AGAP3: variants seen among roughly 807,000 people sequenced by gnomAD.
AGAP3 encodes arf-GAP with GTPase, ANK repeat and PH domain-containing protein 3.
Under a neutral mutation model 96.9 loss-of-function variants are expected in AGAP3, and 24 were observed. That is an observed-to-expected ratio of 0.25 (90% CI 0.18 to 0.35). The LOEUF (loss-of-function observed/expected upper bound fraction) is 0.35, where lower values mean the gene tolerates loss of function less well. Ranked by LOEUF, AGAP3 falls within the 10% of genes least tolerant of loss-of-function variation. The pLI is 1.00. For missense variants in AGAP3, 876 were observed against 1,254.2 expected (o/e 0.70, Z 4.55); for synonymous variants, 563 against 536.1 (o/e 1.05, Z -0.69).
intron 8 of AGAP3, chr7:151,123,151 C>A: frequency 9.2e-7 from 1 of 1,087,190 alleles, no homozygotes; most frequent in South Asian, 3.0e-5. Flanking sequence ...CTCCTCTGCT[C>A]CTTCCTGCAT....
At position 151,087,032 on chromosome 7, in the gene AGAP3, G is replaced by T. The variant is rs1357315445; in HGVS notation, c.291G>T (p.Ala97=). 3 of 1,612,274 alleles carry T rather than the reference G, an allele frequency of 1.9e-6. No individual in the cohort carries two copies. The highest frequency in any genetic ancestry group is 1.3e-5 in the African/African-American group (1 of 75,006). ...YDLIERIEDL[A]LQNQIREHVI... is the part of the protein sequence containing the mutation. ...TGATCGAGCGCATCGAGGATTTGGC[G>T]CTGCAGAACCAGATCCGGGAGCACG... The change falls in exon 1 of 18, where the codon GCG becomes GCT. Residue 97 remains alanine (A), a synonymous_variant. Transcript: ENST00000397238.
chr7:151,138,217 C>CT lies in AGAP3; in HGVS notation c.1570_1571insT (p.Arg524LeufsTer3). On this transcript the variant is annotated frameshift_variant, in exon 12 of 18. Coordinates refer to ENST00000397238, the MANE Select transcript of AGAP3 (RefSeq NM_031946.7). LOFTEE classifies it high-confidence loss of function. The stretch of plus-strand genomic sequence containing the variant: ...CAGCAGCTCGGCCTGGGCTGGCCCG[C>CT]GCCCTGAGGGGCTGCACCAGCGCTC... The CT allele has an allele frequency of 1.2e-6, 2 of 1,611,958 alleles. No individual in the cohort carries two copies. Among genetic ancestry groups the CT allele is most frequent in the Non-Finnish European group, 1.7e-6 (2 of 1,179,518 alleles).
chr7:151,092,215 G>T (rs1259346486), intron 1 of AGAP3, among the ~76,000 whole-genome samples: 1 of 152,162 alleles, frequency 6.6e-6, no homozygotes, highest in African/African-American at 2.4e-5. Flanking sequence ...CCTACCAGCT[G>T]TCAGTGCGTC....
chr7:151,098,642 C>T (rs1179366647), intron 1 of AGAP3, among the ~76,000 whole-genome samples: 4 of 152,026 alleles, frequency 2.6e-5, no homozygotes, highest in African/African-American at 7.2e-5. Flanking sequence ...CAGAGCAAGA[C>T]CAGTCTGTTT....
At chr7:151,111,126 C>T (rs1250488600) in intron 1 of AGAP3, among the ~76,000 whole-genome samples, 5 of 152,198 alleles carry the variant, frequency 3.3e-5, no homozygotes, top group African/African-American at 1.2e-4. Context: ...CTTGGTGTGG[C>T]CCCCACTGCC....
intron 1 of AGAP3, among the ~76,000 whole-genome samples, chr7:151,109,176 A>C (rs1033335881): frequency 8.8e-5 from 13 of 148,214 alleles, no homozygotes; most frequent in Non-Finnish European, 1.9e-4. Context: ...AAAAAAAAAA[A>C]AAAACAAAAA....
Position 151,115,097 on chromosome 7 carries a change from C to G in AGAP3, c.332-1696C>G, listed in dbSNP as rs923452561. ...GCCCCGCGTCCAGCCCCGCGCCGAC[C>G]CGGCGCAGCCGCACCCGCGGGGAGC... On this transcript the variant is annotated intron_variant, in intron 1 of 17. Coordinates refer to ENST00000397238, the MANE Select transcript of AGAP3 (RefSeq NM_031946.7). 18 of 1,028,278 alleles carry G rather than the reference C, an allele frequency of 1.8e-5. No homozygotes were observed. The East Asian group carries it at 6.1e-4, about 35-fold the overall frequency. 63.7% of individuals were successfully genotyped at this position (1,028,278 alleles called of 1,614,324 possible). A position where few individuals can be genotyped will look rare whatever the true frequency, so the allele number is the denominator to read the frequency against.
intron 1 of AGAP3, among the ~76,000 whole-genome samples, chr7:151,097,434 G>C (rs1400079134): frequency 6.6e-6 from 1 of 151,390 alleles, no homozygotes; most frequent in East Asian, 1.9e-4. Flanking sequence ...CAGGAGGCTG[G>C]GGCAGGAGAA....
In AGAP3 at chr7:151,114,991, G is replaced by A; in HGVS notation, c.332-1802G>A. ...GAGCCGCCGCCCACCGGCGCCCGCG[G>A]CCTTTTGCTCGGCCTCCTGCGCCCG... On this transcript the variant is annotated intron_variant, in intron 1 of 17. Transcript: ENST00000397238. The surrounding 1 kb of genome is among the most constrained non-coding windows in gnomAD (Gnocchi z 4.4). 1.0e-6 allele frequency: 1 copy of A among 985,090 alleles called. No homozygotes were observed. The highest frequency in any genetic ancestry group is 1.2e-6 in the Non-Finnish European group (1 of 831,782). 61.0% of individuals were successfully genotyped at this position (985,090 alleles called of 1,614,324 possible).
In AGAP3 at chr7:151,086,748, T is replaced by C; in HGVS notation, c.7T>C (p.Phe3Leu). The C allele has an allele frequency of 1.0e-6, 1 of 953,120 alleles. No homozygotes were observed. Among genetic ancestry groups the C allele is most frequent in the Non-Finnish European group, 1.2e-6 (1 of 809,830 alleles). The allele number at this position is 953,120 out of a possible 1,614,324, so 59.0% of individuals were successfully genotyped here. Residue 3 changes from phenylalanine (F) to leucine (L), a missense_variant, in exon 1 of 18, where the codon TTC becomes CTC. By Grantham distance (22) the Phe-to-Leu change is conservative. Coordinates refer to ENST00000397238, the MANE Select transcript of AGAP3 (RefSeq NM_031946.7). MNFQAGGGQSPQQ... is the reference protein window; with the variant it reads MNLQAGGGQSPQQ... The stretch of plus-strand genomic sequence containing the variant: ...GCCCCACGGCTCCGAAGCCATGAAC[T>C]TCCAGGCGGGCGGGGGGCAGAGCCC...
At chr7:151,121,253 T>C (rs1384350180) in intron 8 of AGAP3, among the ~76,000 whole-genome samples, 1 of 152,096 alleles carries the variant, frequency 6.6e-6, no homozygotes, top group Non-Finnish European at 1.5e-5. Flanking sequence ...GTGCTGACGG[T>C]CCGCCACACA....
intron 1 of AGAP3, chr7:151,115,752 G>A: frequency 1.5e-6 from 1 of 673,328 alleles, no homozygotes; most frequent in Non-Finnish European, 1.9e-6. Flanking sequence ...GCGGGGTCTG[G>A]GGTCTGGACC....
chr7:151,100,194 G>A (rs1457331559), intron 1 of AGAP3, among the ~76,000 whole-genome samples: 1 of 152,228 alleles, frequency 6.6e-6, no homozygotes, highest in Non-Finnish European at 1.5e-5. Flanking sequence ...GTCTTGTGGG[G>A]ATTTCGTGCT....
At chr7:151,120,274 A>G (rs750749171) in intron 8 of AGAP3, 129 bp downstream of exon 8, 14 of 999,036 alleles carry the variant, frequency 1.4e-5, no homozygotes, top group Non-Finnish European at 2.1e-5. Flanking sequence ...TCTCTCCCTC[A>G]GATACACACG....
intron 1 of AGAP3, among the ~76,000 whole-genome samples, chr7:151,113,507 C>G (rs1190511761): frequency 6.6e-6 from 1 of 152,346 alleles, no homozygotes; most frequent in Non-Finnish European, 1.5e-5. Context: ...ACTTGTATCT[C>G]CCACTTGGCT....
intron 1 of AGAP3, among the ~76,000 whole-genome samples, chr7:151,088,373 C>G (rs1798244900): frequency 6.6e-6 from 1 of 152,206 alleles, no homozygotes; most frequent in African/African-American, 2.4e-5. Context: ...AATTAGGTGA[C>G]AGAAAAAACT....
intron 1 of AGAP3, among the ~76,000 whole-genome samples, chr7:151,104,594 C>T (rs1798966737): frequency 1.3e-5 from 2 of 152,204 alleles, no homozygotes; most frequent in African/African-American, 4.8e-5. Context: ...GCGTGCCCAT[C>T]AGAAGCGCCA....
intron 1 of AGAP3, among the ~76,000 whole-genome samples, chr7:151,107,693 G>A (rs1462971554): frequency 6.6e-6 from 1 of 152,198 alleles, no homozygotes; most frequent in Admixed American, 6.5e-5. Flanking sequence ...TGCTGACAGG[G>A]AATGAATCTC....
rs751620904 is a variant in AGAP3 at position 151,123,832 on chromosome 7, T to C, written c.1167T>C (p.Ala389=). The change falls in exon 9 of 18, where the codon GCT becomes GCC. Residue 389 remains alanine (A), a synonymous_variant. Coordinates refer to ENST00000397238, the MANE Select transcript of AGAP3 (RefSeq NM_031946.7). ...CTGACCTGGACCGGGAGAAGAAGGC[T>C]GCCGAGTGCAAGGTGGACAGCATCG... The part of the protein sequence containing the change: ...KGADLDREKK[A]AECKVDSIGS... The C allele has an allele frequency of 6.2e-7, 1 of 1,612,650 alleles. No homozygotes were observed. Among genetic ancestry groups the C allele is most frequent in the South Asian group, 1.1e-5 (1 of 91,086 alleles).
Sources: gnomAD v4.1 joint callset for allele counts (sites outside exome capture counted in the v4.1 genomes callset) on GRCh38, gnomAD v4.1.1 for gene constraint, Gnocchi (gnomAD v3.1) non-coding constraint, MANE v1.5 for transcripts, NCBI Gene and HGNC (gene_info 2026-07-23, HGNC 2026-07-21) for gene names.